The following ATRNL1 variants were observed in gnomAD, a reference collection of about 807,000 sequenced individuals.
ATRNL1 encodes the protein attractin-like protein 1.
Under a neutral mutation model 182.7 loss-of-function variants are expected in ATRNL1, and 95 were observed. The observed-to-expected ratio is 0.52, with a 90% confidence interval of 0.44 to 0.62. ATRNL1 has a LOEUF of 0.62. Among genes scored for constraint, ATRNL1 ranks in the 20% least tolerant of loss-of-function variants. The pLI is 0.00. For missense variants in ATRNL1, 1,471 were observed against 1,679.5 expected (o/e 0.88, Z 2.17); for synonymous variants, 576 against 568.3 (o/e 1.01, Z -0.19).
At position 115,944,922 on chromosome 10, in the gene ATRNL1, C is replaced by A; in HGVS notation, c.*143C>A. 1 of 961,110 alleles carries A rather than the reference C, an allele frequency of 1.0e-6. No homozygotes were observed. The highest frequency in any genetic ancestry group is 1.4e-6 in the Non-Finnish European group (1 of 701,258). The allele number at this position is 961,110 out of a possible 1,614,324, so 59.5% of individuals were successfully genotyped here. Reference sequence around the variant, plus strand: ...AGTTTCCTTCCAAATGGACAATGACCCAGGTGGCCAAAGAATGTTCATGAG... The same window carrying A: ...AGTTTCCTTCCAAATGGACAATGACACAGGTGGCCAAAGAATGTTCATGAG... On this transcript the variant is annotated 3_prime_UTR_variant, in exon 29 of 29. Coordinates refer to ENST00000355044, the MANE Select transcript of ATRNL1 (RefSeq NM_207303.4).
At chr10:115,845,987 T>A (rs1589596379) in intron 27 of ATRNL1, among the ~76,000 whole-genome samples, 1 of 152,110 alleles carries the variant, frequency 6.6e-6, no homozygotes, top group Non-Finnish European at 1.5e-5. Flanking sequence ...ATTTTTCTTT[T>A]AGCTTTGGAA....
chr10:115,407,128 G>T (rs1334640290), intron 20 of ATRNL1, among the ~76,000 whole-genome samples: 1 of 151,822 alleles, frequency 6.6e-6, no homozygotes, highest in Non-Finnish European at 1.5e-5. Flanking sequence ...AAATTGACAC[G>T]ATAATGGTAC....
intron 27 of ATRNL1, among the ~76,000 whole-genome samples, chr10:115,751,365 AT>A (rs1170597168): frequency 4.6e-5 from 7 of 152,018 alleles, no homozygotes; most frequent in Non-Finnish European, 8.8e-5. Flanking sequence ...AAGATAAGAA[AT>A]TTGTGTTTTT....
chr10:115,266,997 C>T lies in ATRNL1; in HGVS notation c.1973C>T (p.Pro658Leu), dbSNP rs1554911027. 1.9e-6 allele frequency: 3 copies of T among 1,596,346 alleles called. No homozygotes were observed. The highest frequency in any genetic ancestry group is 3.4e-5 in the Admixed American group (2 of 59,046). The change falls in exon 12 of 29, where the codon CCT becomes CTT. Residue 658 changes from proline (P) to leucine (L), a missense_variant. Pro to Leu is a moderately conservative substitution (Grantham distance 98, BLOSUM62 -3). Around this residue, in one of 3 missense-constraint regions of ATRNL1, gnomAD observed 1,031 missense variants for 1,156.0 expected, o/e 0.89. Coordinates refer to ENST00000355044, the MANE Select transcript of ATRNL1 (RefSeq NM_207303.4). The part of the protein sequence containing the change: ...TNNILRAKCP[P>L]KTAASDDRCY... ...AATATTCTTAGAGCAAAGTGCCCTC[C>T]TAAAACAGGTAAATTTCTTTTTCTT...
intron 19 of ATRNL1, among the ~76,000 whole-genome samples, chr10:115,370,022 A>G (rs185439864): frequency 1.3e-5 from 2 of 152,106 alleles, no homozygotes; most frequent in Non-Finnish European, 1.5e-5. Context: ...TTCCCATGCT[A>G]TTCTTGTCAT....
intron 8 of ATRNL1, among the ~76,000 whole-genome samples, chr10:115,186,426 A>G (rs1554888754): frequency 6.6e-6 from 1 of 152,146 alleles, no homozygotes; most frequent in Non-Finnish European, 1.5e-5. Flanking sequence ...TTGTTGCAGT[A>G]CTATTCATCA....
chr10:115,615,189 C>T (rs1178609629), intron 26 of ATRNL1, among the ~76,000 whole-genome samples: 2 of 151,948 alleles, frequency 1.3e-5, no homozygotes, highest in African/African-American at 4.8e-5. Context: ...AGGGTATCTG[C>T]TATACCAATA....
intron 19 of ATRNL1, among the ~76,000 whole-genome samples, chr10:115,387,983 A>T (rs551449058): frequency 4.9e-4 from 74 of 152,276 alleles, no homozygotes; most frequent in Non-Finnish European, 6.8e-4. Flanking sequence ...TTGTGTGATT[A>T]AGTGTTGTTA....
In ATRNL1 at chr10:115,469,190, A is replaced by G. The variant is rs1421045338; in HGVS notation, c.3515A>G (p.Glu1172Gly). Reference protein sequence around the residue: ...VGSTAGTISGEETSIVSKNNI... With the variant: ...VGSTAGTISGGETSIVSKNNI... ...ATTTTAGCTGGAACAATATCTGGGG[A>G]AGAGACTTCTATAGTTTCCAAGAAT... The change falls in exon 24 of 29, where the codon GAA (glutamate) becomes GGA (glycine). Residue 1172 changes from glutamate to glycine, a missense_variant. Physicochemically the swap from Glu to Gly is moderately conservative, Grantham distance 98 (BLOSUM62 -2). This residue lies in a region of ATRNL1 where 437 missense variants were observed against 506.0 expected (regional missense o/e 0.86). Transcript: ENST00000355044. 3.2e-6 allele frequency: 4 copies of G among 1,256,352 alleles called. No homozygotes were observed. The highest frequency in any genetic ancestry group is 4.2e-6 in the Non-Finnish European group (4 of 943,600). 77.8% of individuals were successfully genotyped at this position (1,256,352 alleles called of 1,614,324 possible).
chr10:115,217,709 C>T (rs1465042788), intron 9 of ATRNL1, among the ~76,000 whole-genome samples: 1 of 152,100 alleles, frequency 6.6e-6, no homozygotes, highest in Non-Finnish European at 1.5e-5. Context: ...GCACAAATGG[C>T]ACTGGATATT....
rs1211934695 is a variant in ATRNL1, at chr10:115,917,481, AAAAAG to A, written c.4019-27172_4019-27168del. Among the ~76,000 whole-genome samples the A allele has an allele frequency of 5.9e-4, 5 of 8,408 alleles. No individual in the cohort carries two copies. In the Non-Finnish European group the frequency reaches 6.9e-3, roughly 12 times the overall value. 5.5% of individuals were successfully genotyped at this position (8,408 alleles called of 152,430 possible). Reference sequence around the variant, plus strand: ...CAAGACTCTGTCTCAAAAAAAAAAAAAAAAGAAAAAAAAAACGGGGCCATGATATT... The same window carrying A: ...CAAGACTCTGTCTCAAAAAAAAAAAAAAAAAAAAAACGGGGCCATGATATT... On this transcript the variant is annotated intron_variant, in intron 28 of 28. Coordinates refer to ENST00000355044, the MANE Select transcript of ATRNL1 (RefSeq NM_207303.4).
chr10:115,902,810 G>A lies in ATRNL1; in HGVS notation c.4019-41848G>A, dbSNP rs78944910. On this transcript the variant is annotated intron_variant, in intron 28 of 28. Transcript: ENST00000355044. ...GAGGAACTCAGCAATGAGAAGCAAC[G>A]GGGGGATCTGACAGGTCTTTGCTGC... is the stretch of plus-strand genomic sequence containing the variant. Among the ~76,000 whole-genome samples, 1,459 of 152,296 alleles carry A rather than the reference G, an allele frequency of 9.6e-3. 16 individuals carry two copies. Among genetic ancestry groups the A allele is most frequent in the African/African-American group, 0.033 (1,353 of 41,562 alleles).
intron 5 of ATRNL1, among the ~76,000 whole-genome samples, chr10:115,143,242 A>C (rs1845823401): frequency 6.6e-6 from 1 of 152,178 alleles, no homozygotes; most frequent in Admixed American, 6.5e-5. Flanking sequence ...AGCTTGCCTT[A>C]TGTTGAACTA....
At chr10:115,602,853 C>CAAAAAAA (rs34414579) in intron 26 of ATRNL1, among the ~76,000 whole-genome samples, 2 of 126,706 alleles carry the variant, frequency 1.6e-5, no homozygotes, top group Non-Finnish European at 3.3e-5. Context: ...GACTCCGTCT[C>CAAAAAAA]AAAAAAAAAA....
chr10:115,558,505 G>T (rs1408566476), intron 26 of ATRNL1, among the ~76,000 whole-genome samples: 1 of 152,338 alleles, frequency 6.6e-6, no homozygotes, highest in South Asian at 2.1e-4. Context: ...CTGAGATGTG[G>T]CGGAAGGGGG....
intron 28 of ATRNL1, among the ~76,000 whole-genome samples, chr10:115,934,672 G>A (rs1555122458): frequency 6.6e-6 from 1 of 151,998 alleles, no homozygotes; most frequent in East Asian, 1.9e-4. Flanking sequence ...AATAATAGTA[G>A]CCTCACCCCC....
chr10:115,627,121 C>T (rs571042159), intron 26 of ATRNL1, among the ~76,000 whole-genome samples: 6 of 152,204 alleles, frequency 3.9e-5, no homozygotes, highest in Middle Eastern at 3.4e-3. Flanking sequence ...GGGCACCCAC[C>T]GCTTCCATCT....
At chr10:115,123,022 ATTTG>A (rs782242391) in intron 3 of ATRNL1, among the ~76,000 whole-genome samples, 2 of 152,130 alleles carry the variant, frequency 1.3e-5, no homozygotes, top group Admixed American at 6.5e-5. Flanking sequence ...GTGCCTGTTC[ATTTG>A]TTTGTCTAGT....
chr10:115,662,767 G>A (rs1469923900), intron 26 of ATRNL1, among the ~76,000 whole-genome samples: 1 of 151,842 alleles, frequency 6.6e-6, no homozygotes, highest in East Asian at 1.9e-4. Flanking sequence ...TAATTTGATG[G>A]CAAATTGATT....
Sources: allele counts gnomAD v4.1 joint callset (sites outside exome capture counted in the v4.1 genomes callset), GRCh38; gene constraint gnomAD v4.1.1; regional missense constraint gnomAD v4.1.1; transcripts MANE v1.5; gene names NCBI Gene and HGNC (gene_info 2026-07-23, HGNC 2026-07-21).